Variants in CCDC7 observed in about 807,000 individuals in gnomAD.
CCDC7 encodes coiled-coil domain containing 7, also known as coiled-coil domain-containing protein 7.
CCDC7 carries 183 observed loss-of-function variants against 196.9 expected under a neutral mutation model. The observed-to-expected ratio is 0.93, with a 90% CI of 0.82 to 1.05. The LOEUF (loss-of-function observed/expected upper bound fraction) is 1.05. Ranked by LOEUF, CCDC7 falls within the 50% of genes least tolerant of loss-of-function variation. The pLI, the probability that CCDC7 is intolerant of heterozygous loss-of-function variation, is 0.00. For synonymous variants in CCDC7, 525 were observed against 484.6 expected (o/e 1.08, Z -1.10); for missense variants, 1,540 against 1,482.2 (o/e 1.04, Z -0.64).
intron 24 of CCDC7, 61 bp from the exon 26 acceptor site, chr10:32,711,559 T>C (rs2080841305): frequency 2.9e-5 from 30 of 1,024,514 alleles, no homozygotes; most frequent in Non-Finnish European, 4.0e-5. Context: ...AAATTTGAAC[T>C]CTAGGATTTC....
chr10:32,483,989 G>A (rs1164843418), intron 8 of CCDC7, among the ~76,000 whole-genome samples: 1 of 152,070 alleles, frequency 6.6e-6, no homozygotes, highest in Non-Finnish European at 1.5e-5. Flanking sequence ...GCTCTTTTTT[G>A]GTTCCATATG....
In CCDC7 at chr10:32,876,319, T is replaced by C; in HGVS notation, c.4112-28T>C. The C allele has an allele frequency of 1.3e-6, 2 of 1,584,160 alleles. 1 individual carries two copies. Among genetic ancestry groups the C allele is most frequent in the South Asian group, 2.3e-5 (2 of 87,724 alleles). On this transcript the variant is annotated intron_variant, in intron 41 of 41. Transcript: ENST00000639629. ...AACTGGAGTAAAATTAAACTTTTTT[T>C]CAATTAACACATAACTTTTCTTTAA...
At chr10:32,548,714 C>T (rs1376125605) in intron 13 of CCDC7, among the ~76,000 whole-genome samples, 5 of 152,230 alleles carry the variant, frequency 3.3e-5, no homozygotes, top group Non-Finnish European at 5.9e-5. Flanking sequence ...TCTCCAATCT[C>T]ATCCAGGTCA....
chr10:32,726,890 A>T, intron 26 of CCDC7, 58 bp downstream of exon 27: 1 of 1,048,622 alleles, frequency 9.5e-7, no homozygotes, highest in Non-Finnish European at 1.4e-6. Context: ...TTATCAGAAG[A>T]TCTTTGCCTT....
intron 8 of CCDC7, 58 bp from the exon 10 acceptor site, chr10:32,491,864 G>T: frequency 6.9e-7 from 1 of 1,458,984 alleles, no homozygotes. Flanking sequence ...ATTTAGCATA[G>T]AGCTATAACT....
At chr10:32,819,745 G>A (rs2089743898) in intron 31 of CCDC7, among the ~76,000 whole-genome samples, 1 of 152,012 alleles carries the variant, frequency 6.6e-6, no homozygotes, top group Non-Finnish European at 1.5e-5. Context: ...ATGCAGAAAA[G>A]GCCTTTGACA....
intron 13 of CCDC7, among the ~76,000 whole-genome samples, chr10:32,545,823 G>A (rs570961387): frequency 1.7e-4 from 25 of 150,734 alleles, no homozygotes; most frequent in Middle Eastern, 6.9e-3. Flanking sequence ...GAAGACTGGC[G>A]TGAACCCAGG....
chr10:32,733,357 T>A (rs1471584311), intron 28 of CCDC7, among the ~76,000 whole-genome samples: 1 of 152,134 alleles, frequency 6.6e-6, no homozygotes, highest in Non-Finnish European at 1.5e-5. Context: ...TTTGTTTATT[T>A]AATGGATTAA....
chr10:32,518,826 T>C (rs941997465), intron 11 of CCDC7, among the ~76,000 whole-genome samples: 1 of 152,140 alleles, frequency 6.6e-6, no homozygotes, highest in Non-Finnish European at 1.5e-5. Context: ...TCTACAATTA[T>C]GTAATGTGTG....
chr10:32,598,046 G>A (rs555625770), intron 18 of CCDC7, among the ~76,000 whole-genome samples: 4 of 152,316 alleles, frequency 2.6e-5, no homozygotes, highest in South Asian at 4.1e-4. Context: ...GGACAGGGAC[G>A]TTTAAGTCTG....
chr10:32,549,919 T>C (rs1208321706), intron 13 of CCDC7, among the ~76,000 whole-genome samples: 4 of 152,096 alleles, frequency 2.6e-5, no homozygotes, highest in Admixed American at 6.6e-5. Flanking sequence ...TCCATATGAA[T>C]TTTAGGATTG....
chr10:32,708,267 A>T (rs967068567), intron 24 of CCDC7, among the ~76,000 whole-genome samples: 1 of 152,228 alleles, frequency 6.6e-6, no homozygotes. Flanking sequence ...CTGGCTAGCC[A>T]TATGGAGAAA....
chr10:32,822,944 C>A (rs2090498491), intron 31 of CCDC7, among the ~76,000 whole-genome samples: 1 of 152,152 alleles, frequency 6.6e-6, no homozygotes, highest in African/African-American at 2.4e-5. Context: ...CTAAAATGCT[C>A]TACTCATTGA....
At position 32,866,244 on chromosome 10, in the gene CCDC7, G is replaced by T. The variant is rs1318370236; in HGVS notation, c.4112-10103G>T. Reference sequence around the variant, plus strand: ...TGACACCAAAGGCACAATCATGAAAGAAATAAATGATAAGCTAGACTTCAT... The same window carrying T: ...TGACACCAAAGGCACAATCATGAAATAAATAAATGATAAGCTAGACTTCAT... On this transcript the variant is annotated intron_variant, in intron 41 of 41. Coordinates refer to ENST00000639629, the Ensembl canonical transcript of CCDC7. Among the ~76,000 whole-genome samples the T allele has an allele frequency of 3.3e-5, 5 of 151,606 alleles. No individual in the cohort carries two copies. In the South Asian group the frequency reaches 1.0e-3, roughly 31 times the overall value.
chr10:32,744,627 G>A (rs1379562226), intron 28 of CCDC7, among the ~76,000 whole-genome samples: 1 of 152,142 alleles, frequency 6.6e-6, no homozygotes, highest in African/African-American at 2.4e-5. Flanking sequence ...TCTTTGGTAA[G>A]ATGTCTGTTA....
Position 32,743,324 on chromosome 10 carries a change from A to G in CCDC7, c.2905+13867A>G, listed in dbSNP as rs184890760. Among the ~76,000 whole-genome samples the G allele has an allele frequency of 3.8e-3, 580 of 152,264 alleles. 5 individuals are homozygous for G. The highest frequency in any genetic ancestry group is 0.013 in the African/African-American group (558 of 41,544). On this transcript the variant is annotated intron_variant, in intron 28 of 41. Transcript: ENST00000639629. The stretch of plus-strand genomic sequence containing the variant: ...TATTAGCCCTTTGTCAGATGAGTAG[A>G]TTGCAAAAATGTTCTCCCATTCTGT...
intron 32 of CCDC7, 30 bp from the exon 34 acceptor site, chr10:32,834,785 G>A: frequency 9.9e-7 from 1 of 1,008,544 alleles, no homozygotes; most frequent in Non-Finnish European, 1.5e-6. Context: ...ACCTTTCAAA[G>A]CGTTTTGAAA....
chr10:32,640,885 T>TTA (rs2066654848), intron 20 of CCDC7, among the ~76,000 whole-genome samples: 1 of 141,372 alleles, frequency 7.1e-6, no homozygotes, highest in Non-Finnish European at 1.6e-5. Flanking sequence ...TCTTTTTTTT[T>TTA]TTATTATACT....
intron 14 of CCDC7, among the ~76,000 whole-genome samples, chr10:32,566,999 A>AAT (rs55723850): frequency 0.44 from 62,628 of 143,292 alleles, 14,298 homozygotes; most frequent in East Asian, 0.58. Context: ...TATATAAAAA[A>AAT]ATATCTTTGT....
Sources: gnomAD v4.1 joint callset for allele counts (sites outside exome capture counted in the v4.1 genomes callset) on GRCh38, gnomAD v4.1.1 for gene constraint, MANE v1.5 for transcripts, NCBI Gene and HGNC (gene_info 2026-07-23, HGNC 2026-07-21) for gene names.